The following CMTM8 variants were observed in gnomAD, a reference collection of about 807,000 sequenced individuals.
CMTM8 encodes the protein CKLF-like MARVEL transmembrane domain-containing protein 8.
A neutral mutation model predicts 18.6 loss-of-function variants in CMTM8; 12 were observed. That is an observed-to-expected ratio of 0.65 (90% CI 0.41 to 1.05). The LOEUF (loss-of-function observed/expected upper bound fraction) is 1.05, where lower values mean the gene tolerates loss of function less well. Among genes scored for constraint, CMTM8 ranks in the 50% least tolerant of loss-of-function variants. The probability of loss-of-function intolerance (pLI) is 0.00; values close to 1 mark genes in which losing one functional copy is unlikely to be tolerated. For synonymous variants in CMTM8, 87 were observed against 90.6 expected, an observed-to-expected ratio of 0.96 and a Z score of 0.23; for missense variants, 217 against 227.2, an observed-to-expected ratio of 0.95 and a Z score of 0.29.
rs182478156 is a variant in CMTM8 at position 32,286,510 on chromosome 3, A to C, written c.147+47391A>C. Among the ~76,000 whole-genome samples the C allele has an allele frequency of 9.8e-5, 15 of 152,310 alleles. No individual in the cohort carries two copies. In the East Asian group the frequency reaches 2.7e-3, roughly 28 times the overall value. ...GTTCCCCACAAAACCAGATCTGTGCAATGAGTTTCTCTCTGGGCTGGGAGG... is the reference window on the plus strand; with the variant it reads ...GTTCCCCACAAAACCAGATCTGTGCCATGAGTTTCTCTCTGGGCTGGGAGG... On this transcript the variant is annotated intron_variant, in intron 1 of 3. Coordinates refer to ENST00000307526, the MANE Select transcript of CMTM8 (RefSeq NM_178868.5).
chr3:32,363,563 T>C (rs1458112738), intron 2 of CMTM8, among the ~76,000 whole-genome samples: 1 of 152,052 alleles, frequency 6.6e-6, no homozygotes, highest in Non-Finnish European at 1.5e-5. Flanking sequence ...GAGAGAAACA[T>C]AGCAGGAGAC....
At chr3:32,364,319 C>A (rs1413087968) in intron 2 of CMTM8, among the ~76,000 whole-genome samples, 1 of 152,028 alleles carries the variant, frequency 6.6e-6, no homozygotes, top group African/African-American at 2.4e-5. Flanking sequence ...CTTGGCTAAC[C>A]CAGTGAAACC....
chr3:32,276,343 A>G (rs1702518487), intron 1 of CMTM8, among the ~76,000 whole-genome samples: 1 of 152,200 alleles, frequency 6.6e-6, no homozygotes, highest in South Asian at 2.1e-4. Context: ...TGGGCCTTAT[A>G]AACAGGAACT....
intron 1 of CMTM8, among the ~76,000 whole-genome samples, chr3:32,262,787 T>G (rs1212083040): frequency 6.6e-6 from 1 of 152,174 alleles, no homozygotes; most frequent in African/African-American, 2.4e-5. Context: ...CCTTTTTTAA[T>G]CAGCCGGTCC....
chr3:32,260,108 A>G (rs1475433194), intron 1 of CMTM8: 8 of 1,059,124 alleles, frequency 7.6e-6, no homozygotes, highest in African/African-American at 1.6e-5. Context: ...CGAGGACTTC[A>G]ATCTTGGTGA....
At chr3:32,349,857 A>G (rs547223281) in intron 1 of CMTM8, among the ~76,000 whole-genome samples, 2 of 152,176 alleles carry the variant, frequency 1.3e-5, no homozygotes, top group African/African-American at 4.8e-5. Flanking sequence ...AAAATACAAA[A>G]ATTAGCTGGG....
At chr3:32,350,416 G>C (rs771375279) in intron 1 of CMTM8, among the ~76,000 whole-genome samples, 1 of 149,730 alleles carries the variant, frequency 6.7e-6, no homozygotes, top group Non-Finnish European at 1.5e-5. Context: ...GGAGTGCAAC[G>C]GCATGATCTC....
intron 1 of CMTM8, among the ~76,000 whole-genome samples, chr3:32,319,083 T>A (rs1695993005): frequency 9.2e-6 from 1 of 109,266 alleles, no homozygotes; most frequent in Admixed American, 9.7e-5. Flanking sequence ...TATTTTTTTT[T>A]TTTTTTTTTT....
chr3:32,273,390 A>T (rs1355062589), intron 1 of CMTM8, among the ~76,000 whole-genome samples: 2 of 152,216 alleles, frequency 1.3e-5, no homozygotes, highest in African/African-American at 4.8e-5. Flanking sequence ...AAGGTCATAA[A>T]TGTTCATCGC....
chr3:32,296,820 T>G (rs1314838637), intron 1 of CMTM8, among the ~76,000 whole-genome samples: 1 of 152,122 alleles, frequency 6.6e-6, no homozygotes, highest in Non-Finnish European at 1.5e-5. Context: ...AGTGCCTAAT[T>G]AAAACCACAA....
chr3:32,296,809 C>T (rs747761516), intron 1 of CMTM8, among the ~76,000 whole-genome samples: 3 of 152,190 alleles, frequency 2.0e-5, no homozygotes, highest in Non-Finnish European at 4.4e-5. Flanking sequence ...TCGGGAAGAG[C>T]AGTGCCTAAT....
chr3:32,306,937 AG>A (rs1213442669), intron 1 of CMTM8, among the ~76,000 whole-genome samples: 2 of 152,202 alleles, frequency 1.3e-5, no homozygotes, highest in Non-Finnish European at 2.9e-5. Flanking sequence ...TGCCAGGCAC[AG>A]TGTCTCACGC....
chr3:32,260,108 A>C (rs1475433194), intron 1 of CMTM8: 1 of 1,059,124 alleles, frequency 9.4e-7, no homozygotes, highest in East Asian at 2.4e-5. Context: ...CGAGGACTTC[A>C]ATCTTGGTGA....
chr3:32,315,174 G>T (rs191277299), intron 1 of CMTM8, among the ~76,000 whole-genome samples: 78 of 150,144 alleles, frequency 5.2e-4, no homozygotes, highest in African/African-American at 1.8e-3. Flanking sequence ...CTGTCACTCA[G>T]GCTGGAGTGC....
intron 1 of CMTM8, 26 bp downstream of exon 1, chr3:32,239,145 CG>C (rs772984103): frequency 3.8e-6 from 6 of 1,577,270 alleles, no homozygotes; most frequent in East Asian, 2.4e-5. Context: ...CCGGGGGTGG[CG>C]GGGGGCTCAG....
intron 1 of CMTM8, among the ~76,000 whole-genome samples, chr3:32,261,163 C>A (rs1158216493): frequency 7.7e-6 from 1 of 129,236 alleles, no homozygotes; most frequent in African/African-American, 2.7e-5. Flanking sequence ...GAGACTGTGT[C>A]CATCTCAAAA....
chr3:32,306,039 G>A (rs1695708933), intron 1 of CMTM8, among the ~76,000 whole-genome samples: 1 of 152,134 alleles, frequency 6.6e-6, no homozygotes, highest in Admixed American at 6.5e-5. Context: ...TATGCTTTGT[G>A]ATGAACCATC....
chr3:32,277,070 G>T (rs1169640113), intron 1 of CMTM8, among the ~76,000 whole-genome samples: 1 of 151,656 alleles, frequency 6.6e-6, no homozygotes, highest in East Asian at 2.0e-4. Context: ...TTTTTTTGTA[G>T]AGATTGGGGT....
intron 1 of CMTM8, among the ~76,000 whole-genome samples, chr3:32,353,545 TA>T (rs1696753471): frequency 6.6e-6 from 1 of 152,044 alleles, no homozygotes; most frequent in South Asian, 2.1e-4. Context: ...GCATGTGTAG[TA>T]GTGTGGAAGG....
Sources: gnomAD v4.1 joint callset for allele counts (sites outside exome capture counted in the v4.1 genomes callset) on GRCh38, gnomAD v4.1.1 for gene constraint, MANE v1.5 for transcripts, NCBI Gene and HGNC (gene_info 2026-07-23, HGNC 2026-07-21) for gene names.